TAAR5: variants seen among roughly 807,000 people sequenced by gnomAD.
The protein encoded by TAAR5 is trace amine associated receptor 5.
A neutral mutation model predicts 21.1 loss-of-function variants in TAAR5; 27 were observed. That is an observed-to-expected ratio of 1.28 (90% CI 0.94 to 1.76). TAAR5 has a LOEUF of 1.76. Among genes scored for constraint, TAAR5 ranks in the 40% most tolerant of loss-of-function variants. The pLI, the probability that TAAR5 is intolerant of heterozygous loss-of-function variation, is 0.00. For synonymous variants in TAAR5, 203 were observed against 167.5 expected, an observed-to-expected ratio of 1.21 and a Z score of -1.64; for missense variants, 495 against 405.6, an observed-to-expected ratio of 1.22 and a Z score of -1.89.
At chr6:132,597,223 A>AT in the TAAR5 span, among the ~76,000 whole-genome samples, 1 of 152,200 alleles carries the variant, frequency 6.6e-6, no homozygotes, top group African/African-American at 2.4e-5. Context: ...ATTCTCTCAT[A>AT]TATTACAGTT....
the TAAR5 span, among the ~76,000 whole-genome samples, chr6:132,612,266 C>T: frequency 2.0e-5 from 3 of 152,096 alleles, no homozygotes; most frequent in South Asian, 2.1e-4. Flanking sequence ...TTCTAGTATA[C>T]GCTAGAGATA....
At chr6:132,592,499 G>A (rs751119243), upstream of TAAR5, among the ~76,000 whole-genome samples, 1 of 152,154 alleles carries the variant, frequency 6.6e-6, no homozygotes, top group South Asian at 2.1e-4. Flanking sequence ...ATATGATTTG[G>A]GTCTGTGTCC....
At chr6:132,592,960 G>A (rs1293692932), upstream of TAAR5, among the ~76,000 whole-genome samples, 2 of 152,152 alleles carry the variant, frequency 1.3e-5, no homozygotes, top group Admixed American at 1.3e-4. Flanking sequence ...CTACCCAGGG[G>A]CAACAGCTTA....
At chr6:132,596,943 A>G in the TAAR5 span, among the ~76,000 whole-genome samples, 1 of 152,076 alleles carries the variant, frequency 6.6e-6, no homozygotes, top group South Asian at 2.1e-4. Flanking sequence ...CCTTTCCTCA[A>G]TTCTTTTTAA....
chr6:132,609,150 T>C, the TAAR5 span: 1 of 395,256 alleles, frequency 2.5e-6, no homozygotes, highest in Admixed American at 2.9e-5. Context: ...ATAGTGATAA[T>C]CATGGCTCCA....
chr6:132,600,394 A>T, the TAAR5 span, among the ~76,000 whole-genome samples: 1 of 152,156 alleles, frequency 6.6e-6, no homozygotes, highest in Non-Finnish European at 1.5e-5. Flanking sequence ...GTATTTGGCT[A>T]AATAAGATGA....
the TAAR5 span, among the ~76,000 whole-genome samples, chr6:132,601,507 A>G: frequency 2.0e-5 from 3 of 152,248 alleles, no homozygotes; most frequent in Admixed American, 2.0e-4. Flanking sequence ...GCAGTGATAT[A>G]ATACAATCAC....
chr6:132,599,673 A>T, the TAAR5 span, among the ~76,000 whole-genome samples: 1 of 152,182 alleles, frequency 6.6e-6, no homozygotes, highest in African/African-American at 2.4e-5. Context: ...TTCATATTTA[A>T]ATCAACTGGT....
In TAAR5 at chr6:132,588,964, A is replaced by T. The variant is rs1582725849; in HGVS notation, c.723T>A (p.Ala241=). 1 of 1,614,102 alleles carries T rather than the reference A, an allele frequency of 6.2e-7. No homozygotes were observed. The highest frequency in any genetic ancestry group is 8.5e-7 in the Non-Finnish European group (1 of 1,179,990). Residue 241 remains alanine, a synonymous_variant, in exon 1 of 1, where the codon GCT becomes GCA. Coordinates refer to ENST00000258034, the MANE Select transcript of TAAR5 (RefSeq NM_003967.3). ...QQITTLSKSL[A]GAAKHERKAA... ...CTTTTCTCTCATGCTTGGCAGCCCCAGCCAGGCTTTTGCTCAATGTGGTAA... is the reference window on the plus strand; with the variant it reads ...CTTTTCTCTCATGCTTGGCAGCCCCTGCCAGGCTTTTGCTCAATGTGGTAA...
At chr6:132,615,966 G>C in the TAAR5 span, among the ~76,000 whole-genome samples, 2 of 151,236 alleles carry the variant, frequency 1.3e-5, no homozygotes, top group African/African-American at 4.9e-5. Flanking sequence ...CTCGGTGCAA[G>C]TGATATATTT....
chr6:132,608,274 A>T, the TAAR5 span: 3 of 434,238 alleles, frequency 6.9e-6, no homozygotes, highest in Non-Finnish European at 1.4e-5. Context: ...ACAAATTTGC[A>T]GTTTCTGAAT....
upstream of TAAR5, among the ~76,000 whole-genome samples, chr6:132,593,850 G>C (rs963953960): frequency 3.9e-5 from 6 of 152,018 alleles, no homozygotes; most frequent in African/African-American, 7.2e-5. Context: ...TTCTGAAAAG[G>C]GGTTTCAGCC....
the TAAR5 span, among the ~76,000 whole-genome samples, chr6:132,595,648 G>A: frequency 6.6e-6 from 1 of 152,096 alleles, no homozygotes; most frequent in Non-Finnish European, 1.5e-5. Flanking sequence ...AAGTCACCTA[G>A]GGATCTTTTT....
At chr6:132,602,043 T>TAAAATAAGATTTTC in the TAAR5 span, among the ~76,000 whole-genome samples, 1 of 152,136 alleles carries the variant, frequency 6.6e-6, no homozygotes, top group African/African-American at 2.4e-5. Flanking sequence ...TTATGATTTT[T>TAAAATAAGATTTTC]AAAATAAGAT....
At chr6:132,593,936 C>T (rs1471942999), upstream of TAAR5, among the ~76,000 whole-genome samples, 1 of 152,220 alleles carries the variant, frequency 6.6e-6, no homozygotes, top group Non-Finnish European at 1.5e-5. Flanking sequence ...TGCTCCATAA[C>T]TCAGACTTCC....
chr6:132,603,901 CTG>C, the TAAR5 span, among the ~76,000 whole-genome samples: 1 of 151,622 alleles, frequency 6.6e-6, no homozygotes, highest in African/African-American at 2.4e-5. Context: ...ATTCACTGGT[CTG>C]TAATTGTCAC....
Position 132,588,896 on chromosome 6 carries a change from C to A in TAAR5, c.791G>T (p.Cys264Phe), listed in dbSNP as rs1776855735. 2 of 1,614,116 alleles carry A rather than the reference C, an allele frequency of 1.2e-6. No homozygotes were observed. Among genetic ancestry groups the A allele is most frequent in the Non-Finnish European group, 1.7e-6 (2 of 1,180,006 alleles). ...CGTGTCTATGGTGAAGGGCAGCCAG[C>A]ACAAGAGGTATATGCCCACAGCAAT... Reference protein sequence around the residue: ...LGIAVGIYLLCWLPFTIDTMV... With the variant: ...LGIAVGIYLLFWLPFTIDTMV... The change falls in exon 1 of 1, where the codon TGC becomes TTC. Residue 264 changes from cysteine to phenylalanine, a missense_variant. By Grantham distance (205) the Cys-to-Phe change is radical. Transcript: ENST00000258034.
chr6:132,598,146 C>A, the TAAR5 span, among the ~76,000 whole-genome samples: 1 of 152,156 alleles, frequency 6.6e-6, no homozygotes, highest in Admixed American at 6.6e-5. Context: ...CTTCTGCCCC[C>A]ATTTTCACAG....
chr6:132,588,699 G>A lies in TAAR5; in HGVS notation c.988C>T (p.Arg330Cys), dbSNP rs35839363. 9,185 of 1,613,532 alleles carry A rather than the reference G, an allele frequency of 5.7e-3. 417 individuals are homozygous for A. In the African/African-American group the frequency reaches 0.1, roughly 18 times the overall value. Residue 330 changes from arginine (R) to cysteine (C), a missense_variant, in exon 1 of 1, where the codon CGC (arginine) becomes TGC (cysteine). Transcript: ENST00000258034. ...LSQKVFSPQTRTVDLYQE is the reference protein window; with the variant it reads ...LSQKVFSPQTCTVDLYQE ...CATTCTTGGTACAAATCAACAGTGC[G>A]TGTCTGCGGTGAGAAGACCTTCTGG...
Sources: gnomAD v4.1 joint callset for allele counts (sites outside exome capture counted in the v4.1 genomes callset) on GRCh38, gnomAD v4.1.1 for gene constraint, MANE v1.5 for transcripts, NCBI Gene and HGNC (gene_info 2026-07-23, HGNC 2026-07-21) for gene names.